CAPN13: variants seen among roughly 807,000 people sequenced by gnomAD.
CAPN13 encodes calpain 13.
In CAPN13, 90 loss-of-function variants were observed where a neutral mutation model predicts 98.4. That is an observed-to-expected ratio of 0.92 (90% confidence interval 0.77 to 1.09). The LOEUF (loss-of-function observed/expected upper bound fraction) is 1.09. CAPN13 is among the 50% of genes least tolerant of loss of function. The pLI is 0.00. For missense variants in CAPN13, 887 were observed against 841.3 expected (o/e 1.05, Z -0.67); for synonymous variants, 330 against 305.5 (o/e 1.08, Z -0.84).
chr2:30,784,202 G>A (rs1374458065), intron 2 of CAPN13, among the ~76,000 whole-genome samples: 1 of 151,542 alleles, frequency 6.6e-6, no homozygotes, highest in Non-Finnish European at 1.5e-5. Context: ...AAAAAAAGCA[G>A]AACATGAGAA....
chr2:30,783,429 C>T (rs1291433077), intron 2 of CAPN13, among the ~76,000 whole-genome samples: 4 of 152,084 alleles, frequency 2.6e-5, no homozygotes, highest in South Asian at 2.1e-4. Context: ...AGGATGTGAA[C>T]GGGGCTTCCT....
At chr2:30,796,194 GTGTGTGTATATATATATACACATATA>G (rs1674865753) in intron 1 of CAPN13, among the ~76,000 whole-genome samples, 2 of 126,274 alleles carry the variant, frequency 1.6e-5, no homozygotes, top group African/African-American at 7.0e-5. Flanking sequence ...ACATATATAT[GTGTGTGTATATATATATACACATATA>G]TATGTATATA....
chr2:30,735,288 C>T (rs1194202593), intron 18 of CAPN13, among the ~76,000 whole-genome samples: 1 of 152,190 alleles, frequency 6.6e-6, no homozygotes, highest in Non-Finnish European at 1.5e-5. Flanking sequence ...GTAAGTGCTG[C>T]AGGACTGAAC....
At chr2:30,762,935 A>C in intron 7 of CAPN13, 147 bp downstream of exon 7, 1 of 561,976 alleles carries the variant, frequency 1.8e-6, no homozygotes. Context: ...GAGGCTGTCC[A>C]TGGTGCATGT....
At chr2:30,752,618 G>A (rs1672230746) in intron 10 of CAPN13, among the ~76,000 whole-genome samples, 1 of 152,198 alleles carries the variant, frequency 6.6e-6, no homozygotes, top group Admixed American at 6.5e-5. Flanking sequence ...GCTGAGTCTT[G>A]GGGAGGCTGA....
chr2:30,751,301 C>T, intron 10 of CAPN13, 50 bp from the exon 11 acceptor site: 14 of 1,601,196 alleles, frequency 8.7e-6, no homozygotes, highest in African/African-American at 1.3e-5. Context: ...CCTGGGACTC[C>T]TGGGCAGGGC....
chr2:30,727,883 A>C (rs2103478846), intron 22 of CAPN13, among the ~76,000 whole-genome samples: 1 of 152,276 alleles, frequency 6.6e-6, no homozygotes, highest in Admixed American at 6.5e-5. Context: ...TATTAATGAC[A>C]GTCAAAACTA....
intron 2 of CAPN13, among the ~76,000 whole-genome samples, chr2:30,783,494 T>C (rs1177462058): frequency 6.6e-6 from 1 of 151,982 alleles, no homozygotes; most frequent in Non-Finnish European, 1.5e-5. Flanking sequence ...GGATTAATTG[T>C]TAGAGGAAGG....
intron 2 of CAPN13, among the ~76,000 whole-genome samples, 180 bp downstream of exon 2, chr2:30,786,948 T>C (rs1674312876): frequency 6.6e-6 from 1 of 152,244 alleles, no homozygotes; most frequent in South Asian, 2.1e-4. Flanking sequence ...TCTGGGCTCC[T>C]GGTTCCTGCT....
At position 30,743,500 on chromosome 2, in the gene CAPN13, C is replaced by T. The variant is rs773969358; in HGVS notation, c.1328G>A (p.Arg443His). The T allele has an allele frequency of 2.5e-5, 40 of 1,613,704 alleles. No homozygotes were observed. The highest frequency in any genetic ancestry group is 5.3e-5 in the African/African-American group (4 of 74,854). The change falls in exon 13 of 23, where the codon CGC becomes CAC. Residue 443 changes from arginine (R) to histidine (H), a missense_variant. Transcript: ENST00000295055. ...TVQSSNNKFR[R>H]NFTMTYHLSP... ...CAGATGGTAAGTCATGGTGAAGTTGCGGCGGAATTTATTATTTGAGCTTTG... is the reference window on the plus strand; with the variant it reads ...CAGATGGTAAGTCATGGTGAAGTTGTGGCGGAATTTATTATTTGAGCTTTG...
chr2:30,731,561 G>A (rs1671096688), intron 20 of CAPN13, among the ~76,000 whole-genome samples, 162 bp from the exon 21 acceptor site: 1 of 151,968 alleles, frequency 6.6e-6, no homozygotes, highest in Admixed American at 6.5e-5. Flanking sequence ...TCTCTGTCTA[G>A]CCGAGCTCTG....
chr2:30,787,955 T>C lies in CAPN13; in HGVS notation c.-32-598A>G, dbSNP rs144829404. ...CCAGAGAGAGGGTGTGGGCAGGGAC[T>C]GGAAGCAGGAAGGAAGCCAGGAGCT... On this transcript the variant is annotated intron_variant, in intron 1 of 22. Transcript: ENST00000295055. Among the ~76,000 whole-genome samples, 687 of 152,214 alleles carry C rather than the reference T, an allele frequency of 4.5e-3. 2 individuals are homozygous for C. The highest frequency in any genetic ancestry group is 0.016 in the African/African-American group (645 of 41,524).
chr2:30,743,585 A>C lies in CAPN13; in HGVS notation c.1249-6T>G, dbSNP rs891668142. 1 of 1,613,796 alleles carries C rather than the reference A, an allele frequency of 6.2e-7. No individual in the cohort carries two copies. The highest frequency in any genetic ancestry group is 8.5e-7 in the Non-Finnish European group (1 of 1,179,786). Reference sequence around the variant, plus strand: ...GGAAATTTCTCCCGGAACCGCTGGAATTAGAGGAAACACAATGATTGTGAG... The same window carrying C: ...GGAAATTTCTCCCGGAACCGCTGGACTTAGAGGAAACACAATGATTGTGAG... On this transcript the variant is annotated splice_polypyrimidine_tract_variant and splice_region_variant and intron_variant, in intron 12 of 22. Coordinates refer to ENST00000295055, the MANE Select transcript of CAPN13 (RefSeq NM_144575.3).
In CAPN13 at chr2:30,779,232, C is replaced by T. The variant is rs182601357; in HGVS notation, c.199-1593G>A. ...GATCCCCAGGGCAGGAGAAGGTGTG[C>T]TTGGAAAGCCCATTCAGACAGACCT... On this transcript the variant is annotated intron_variant, in intron 2 of 22. Transcript: ENST00000295055. Among the ~76,000 whole-genome samples the T allele has an allele frequency of 8.3e-4, 126 of 152,346 alleles. 2 individuals are homozygous for T. The highest frequency in any genetic ancestry group is 2.6e-4 in the Non-Finnish European group (18 of 68,026).
intron 3 of CAPN13, among the ~76,000 whole-genome samples, chr2:30,776,306 A>G (rs1182727033): frequency 6.6e-6 from 1 of 152,126 alleles, no homozygotes; most frequent in African/African-American, 2.4e-5. Flanking sequence ...CTCTGGGCTC[A>G]CTGCAACCTC....
chr2:30,745,250 CT>C (rs1291452646), intron 12 of CAPN13: 2 of 473,040 alleles, frequency 4.2e-6, no homozygotes, highest in Admixed American at 4.7e-5. Context: ...TTCACCAATC[CT>C]GAGCCAGATG....
At position 30,738,323 on chromosome 2, in the gene CAPN13, G is replaced by A. The variant is rs1256219495; in HGVS notation, c.1595-30C>T. 3 of 1,613,782 alleles carry A rather than the reference G, an allele frequency of 1.9e-6. No individual in the cohort carries two copies. The East Asian group carries it at 6.7e-5, about 36-fold the overall frequency. On this transcript the variant is annotated intron_variant, in intron 16 of 22. Transcript: ENST00000295055. Reference sequence around the variant, plus strand: ...GGAGAGAAGGACAGGAAGGACTGAAGTGTTGACAGTGGGGTGTGGGGTGGG... The same window carrying A: ...GGAGAGAAGGACAGGAAGGACTGAAATGTTGACAGTGGGGTGTGGGGTGGG...
intron 7 of CAPN13, among the ~76,000 whole-genome samples, chr2:30,758,355 G>A (rs540487881): frequency 6.6e-6 from 1 of 152,310 alleles, no homozygotes; most frequent in East Asian, 1.9e-4. Flanking sequence ...CCCTCATTCC[G>A]CTCAGCCCCT....
At chr2:30,779,388 G>C (rs1277442459) in intron 2 of CAPN13, among the ~76,000 whole-genome samples, 2 of 152,212 alleles carry the variant, frequency 1.3e-5, no homozygotes, top group East Asian at 3.8e-4. Flanking sequence ...AGACAGTTGA[G>C]AGAATCTAAT....
Sources: gnomAD v4.1 joint callset for allele counts (sites outside exome capture counted in the v4.1 genomes callset) on GRCh38, gnomAD v4.1.1 for gene constraint, MANE v1.5 for transcripts, NCBI Gene and HGNC (gene_info 2026-07-23, HGNC 2026-07-21) for gene names.